BOLL: variants seen among roughly 807,000 people sequenced by gnomAD.
BOLL encodes boule RNA binding protein.
A neutral mutation model predicts 44.4 loss-of-function variants in BOLL; 23 were observed. The observed-to-expected ratio is 0.52, with a 90% CI of 0.37 to 0.73. The LOEUF (loss-of-function observed/expected upper bound fraction) is 0.73, where lower values mean the gene tolerates loss of function less well. BOLL is among the 30% of genes least tolerant of loss of function. The probability of loss-of-function intolerance (pLI) is 0.00; values close to 1 mark genes in which losing one functional copy is unlikely to be tolerated. For synonymous variants in BOLL, 97 were observed against 110.8 expected, an observed-to-expected ratio of 0.88 and a Z score of 0.78; for missense variants, 287 against 338.3, an observed-to-expected ratio of 0.85 and a Z score of 1.19.
chr2:197,742,468 G>A (rs907326324), intron 10 of BOLL, among the ~76,000 whole-genome samples: 11 of 152,226 alleles, frequency 7.2e-5, no homozygotes, highest in East Asian at 3.9e-4. Flanking sequence ...TATACACCTC[G>A]GAATACTATG....
In BOLL at chr2:197,785,102, G is replaced by T. The variant is rs902278914; in HGVS notation, c.-62C>A. The stretch of plus-strand genomic sequence containing the variant: ...GCTCCTCCCCCTCCAAGGCCAGCAA[G>T]TTGCGGCACTGGGGGAAATGGCCGC... On this transcript the variant is annotated 5_prime_UTR_variant, in exon 1 of 11. Transcript: ENST00000392296. This position sits in a 1 kb window ranked among gnomAD's most constrained non-coding sequence, Gnocchi z 6.7. 2.2e-5 allele frequency: 22 copies of T among 985,892 alleles called. No homozygotes were observed. Among genetic ancestry groups the T allele is most frequent in the Non-Finnish European group, 2.5e-5 (21 of 829,938 alleles). 61.1% of individuals were successfully genotyped at this position (985,892 alleles called of 1,614,324 possible). A position where few individuals can be genotyped will look rare whatever the true frequency, so the allele number is the denominator to read the frequency against.
At chr2:197,774,521 G>A (rs1689418335) in intron 5 of BOLL, 3 of 151,958 alleles carry the variant, frequency 2.0e-5, no homozygotes, top group African/African-American at 7.2e-5. Context: ...GCACTAAGTA[G>A]TTTTGAAAAA....
chr2:197,755,742 C>T (rs1266841319), intron 9 of BOLL, among the ~76,000 whole-genome samples: 2 of 152,012 alleles, frequency 1.3e-5, no homozygotes, highest in African/African-American at 2.4e-5. Flanking sequence ...TGGGACGTGT[C>T]GGGGCTGGGA....
At chr2:197,767,785 T>C (rs1326672872) in intron 6 of BOLL, among the ~76,000 whole-genome samples, 1 of 152,022 alleles carries the variant, frequency 6.6e-6, no homozygotes, top group Admixed American at 6.6e-5. Context: ...TGAGAAAGTC[T>C]GGTTAAGAGT....
rs1266561060 is a variant in BOLL at position 197,760,630 on chromosome 2, C to T, written c.553-3230G>A. Among the ~76,000 whole-genome samples, 3 of 152,160 alleles carry T rather than the reference C, an allele frequency of 2.0e-5. No individual in the cohort carries two copies. In the South Asian group the frequency reaches 6.2e-4, roughly 32 times the overall value. On this transcript the variant is annotated intron_variant, in intron 7 of 10. Coordinates refer to ENST00000392296, the MANE Select transcript of BOLL (RefSeq NM_033030.6). Reference sequence around the variant, plus strand: ...TCAGCAAGCCCACCCCTGGCAAAGCCCTACCACCATTGTCATAGACTCTCT... The same window carrying T: ...TCAGCAAGCCCACCCCTGGCAAAGCTCTACCACCATTGTCATAGACTCTCT...
chr2:197,731,800 G>T (rs1221744590), intron 10 of BOLL, among the ~76,000 whole-genome samples: 1 of 151,492 alleles, frequency 6.6e-6, no homozygotes, highest in Non-Finnish European at 1.5e-5. Context: ...GAATCTCTGG[G>T]ACGCATTCAA....
intron 1 of BOLL, chr2:197,784,681 G>A (rs1293320224): frequency 5.2e-6 from 5 of 965,360 alleles, no homozygotes; most frequent in Non-Finnish European, 3.7e-6. Context: ...GCCCACCTTG[G>A]CCTCCCAAAG....
At chr2:197,759,658 T>C (rs1373544171) in intron 7 of BOLL, among the ~76,000 whole-genome samples, 1 of 152,156 alleles carries the variant, frequency 6.6e-6, no homozygotes, top group Admixed American at 6.5e-5. Flanking sequence ...TCTGGTTCTG[T>C]ACAGTAGGGA....
At chr2:197,778,897 G>C in intron 3 of BOLL, 78 bp downstream of exon 3, 1 of 1,257,532 alleles carries the variant, frequency 8.0e-7, no homozygotes, top group Non-Finnish European at 1.1e-6. Context: ...TGGAACCAAA[G>C]TAAACTGGCG....
chr2:197,757,484 G>A (rs1688570834), intron 7 of BOLL, 84 bp from the exon 8 acceptor site: 2 of 1,189,360 alleles, frequency 1.7e-6, no homozygotes, highest in South Asian at 2.8e-5. Flanking sequence ...AAAATATGAA[G>A]TTGGACCCTC....
intron 6 of BOLL, among the ~76,000 whole-genome samples, chr2:197,769,857 A>T (rs1689158749): frequency 6.6e-6 from 1 of 152,206 alleles, no homozygotes; most frequent in Non-Finnish European, 1.5e-5. Flanking sequence ...AAGAGGACAC[A>T]AACAAATGGG....
intron 7 of BOLL, among the ~76,000 whole-genome samples, chr2:197,758,213 A>C (rs1314947090): frequency 6.6e-6 from 1 of 152,234 alleles, no homozygotes; most frequent in Non-Finnish European, 1.5e-5. Context: ...TGTCCATCGC[A>C]GTATCATTTA....
chr2:197,741,293 G>A (rs1687719582), intron 10 of BOLL, among the ~76,000 whole-genome samples: 1 of 152,026 alleles, frequency 6.6e-6, no homozygotes, highest in Non-Finnish European at 1.5e-5. Flanking sequence ...GTCTGTTATT[G>A]GTGTATAAGA....
At chr2:197,749,312 A>G (rs1166775800) in intron 9 of BOLL, among the ~76,000 whole-genome samples, 1 of 152,190 alleles carries the variant, frequency 6.6e-6, no homozygotes, top group Non-Finnish European at 1.5e-5. Flanking sequence ...AAAATTCCAA[A>G]TACCAGAATG....
rs1687896224 is a variant in BOLL at position 197,744,267 on chromosome 2, AGGCTAGATATAT to A, written c.730-1120_730-1109del. Among the ~76,000 whole-genome samples, 9 of 152,310 alleles carry A rather than the reference AGGCTAGATATAT, an allele frequency of 5.9e-5. No individual in the cohort carries two copies. In the South Asian group the frequency reaches 1.7e-3, roughly 28 times the overall value. ...AGTCTAAAACTCAGGAGTGAGACGG[AGGCTAGATATAT>A]GGCTATGGATGATAACATCAGAGTG... is the stretch of plus-strand genomic sequence containing the variant. On this transcript the variant is annotated intron_variant, in intron 9 of 10. Transcript: ENST00000392296.
intron 10 of BOLL, among the ~76,000 whole-genome samples, chr2:197,742,599 G>A (rs1243948264): frequency 6.6e-6 from 1 of 151,898 alleles, no homozygotes; most frequent in Admixed American, 6.6e-5. Flanking sequence ...TCACTCATAG[G>A]TGGGAATTGA....
At chr2:197,753,528 T>C (rs1486837342) in intron 9 of BOLL, among the ~76,000 whole-genome samples, 1 of 152,006 alleles carries the variant, frequency 6.6e-6, no homozygotes, top group Admixed American at 6.5e-5. Context: ...ACCAAACATA[T>C]GAAAAAAAGC....
chr2:197,759,872 G>A (rs559762876), intron 7 of BOLL, among the ~76,000 whole-genome samples: 3 of 152,254 alleles, frequency 2.0e-5, no homozygotes, highest in African/African-American at 7.2e-5. Flanking sequence ...GGTGCCTCAC[G>A]CCCTGCAGAC....
intron 10 of BOLL, among the ~76,000 whole-genome samples, chr2:197,737,505 A>C (rs190858596): frequency 1.3e-5 from 2 of 152,148 alleles, no homozygotes; most frequent in Non-Finnish European, 2.9e-5. Context: ...CTATTGTTTG[A>C]CTATATATAG....
Sources: allele counts gnomAD v4.1 joint callset (sites outside exome capture counted in the v4.1 genomes callset), GRCh38; gene constraint gnomAD v4.1.1; non-coding constraint Gnocchi (gnomAD v3.1); transcripts MANE v1.5; gene names NCBI Gene and HGNC (gene_info 2026-07-23, HGNC 2026-07-21).